The following ADAMTSL1 variants were observed in gnomAD, a reference collection of about 807,000 sequenced individuals.
The protein encoded by ADAMTSL1 is ADAMTS-like protein 1.
In ADAMTSL1, 126 loss-of-function variants were observed where a neutral mutation model predicts 201.8. That is an observed-to-expected ratio of 0.62 (90% CI 0.54 to 0.72). ADAMTSL1 has a LOEUF of 0.72. Ranked by LOEUF, ADAMTSL1 falls within the 30% of genes least tolerant of loss-of-function variation. The pLI is 0.00. For missense variants in ADAMTSL1, 2,679 were observed against 2,277.8 expected, an observed-to-expected ratio of 1.18 and a Z score of -3.59; for synonymous variants, 1,121 against 903.4, an observed-to-expected ratio of 1.24 and a Z score of -4.32.
At chr9:18,306,629 G>T (rs1283302838) in intron 2 of ADAMTSL1, among the ~76,000 whole-genome samples, 1 of 152,070 alleles carries the variant, frequency 6.6e-6, no homozygotes, top group African/African-American at 2.4e-5. Flanking sequence ...AGACCATGAA[G>T]ACAAGATTAG....
chr9:18,555,903 T>C (rs1226729627), intron 3 of ADAMTSL1, among the ~76,000 whole-genome samples: 2 of 151,974 alleles, frequency 1.3e-5, no homozygotes, highest in Non-Finnish European at 2.9e-5. Context: ...GTGAGGTATT[T>C]ATTGCATTGC....
In ADAMTSL1 at chr9:18,843,680, C is replaced by T. The variant is rs1171519023; in HGVS notation, c.4249+13703C>T. 1.4e-4 allele frequency among the ~76,000 whole-genome samples: 21 copies of T among 150,996 alleles called. 3 individuals are homozygous for T. The highest frequency in any genetic ancestry group is 3.2e-4 in the African/African-American group (13 of 40,306). ...ATCACTTTCAGGTACACCAATCAGA[C>T]GTAGATGTGGTCTTTTCACATAGTC... On this transcript the variant is annotated intron_variant, in intron 23 of 28. Transcript: ENST00000380548.
intron 2 of ADAMTSL1, among the ~76,000 whole-genome samples, chr9:18,224,968 C>T (rs1830391567): frequency 2.0e-5 from 3 of 152,076 alleles, no homozygotes; most frequent in Admixed American, 6.6e-5. Flanking sequence ...TCAGCATCTT[C>T]ATGCATAAAA....
At chr9:18,526,094 T>C (rs1291825953) in intron 2 of ADAMTSL1, among the ~76,000 whole-genome samples, 1 of 152,210 alleles carries the variant, frequency 6.6e-6, no homozygotes, top group Non-Finnish European at 1.5e-5. Flanking sequence ...TTTGTAAGTC[T>C]CTAAGGACTT....
intron 2 of ADAMTSL1, among the ~76,000 whole-genome samples, chr9:18,312,216 G>A (rs943352669): frequency 6.6e-6 from 1 of 152,156 alleles, no homozygotes; most frequent in Admixed American, 6.5e-5. Context: ...GTGGTTCCAT[G>A]GACTCTTGAC....
rs12379957 is a variant in ADAMTSL1, at chr9:18,842,712, G to A, written c.4249+12735G>A. Among the ~76,000 whole-genome samples, 333 of 152,176 alleles carry A rather than the reference G, an allele frequency of 2.2e-3. 3 individuals are homozygous for A. The highest frequency in any genetic ancestry group is 2.5e-3 in the Non-Finnish European group (172 of 68,002). ...ACTCAGGACTTGCTTTATGAATCTGGGTGCTCCCATATTGGGTGCATATAT... is the reference window on the plus strand; with the variant it reads ...ACTCAGGACTTGCTTTATGAATCTGAGTGCTCCCATATTGGGTGCATATAT... On this transcript the variant is annotated intron_variant, in intron 23 of 28. Transcript: ENST00000380548.
At chr9:18,204,320 G>T (rs773401562) in intron 2 of ADAMTSL1, among the ~76,000 whole-genome samples, 5 of 151,966 alleles carry the variant, frequency 3.3e-5, no homozygotes, top group Non-Finnish European at 5.9e-5. Context: ...GGTTATATAG[G>T]TGGCTCTTTC....
intron 2 of ADAMTSL1, among the ~76,000 whole-genome samples, chr9:18,208,423 C>A (rs1310336144): frequency 6.6e-6 from 1 of 152,066 alleles, no homozygotes; most frequent in Non-Finnish European, 1.5e-5. Context: ...GTGAGTTGCA[C>A]CTGCAGCCCA....
intron 1 of ADAMTSL1, among the ~76,000 whole-genome samples, chr9:17,972,393 T>C (rs1235884142): frequency 6.8e-6 from 1 of 146,258 alleles, no homozygotes; most frequent in East Asian, 2.1e-4. Flanking sequence ...AATTTCCACC[T>C]ATGAGTGAGA....
intron 2 of ADAMTSL1, among the ~76,000 whole-genome samples, chr9:18,380,279 G>T (rs1411991735): frequency 3.3e-5 from 5 of 152,096 alleles, no homozygotes; most frequent in Non-Finnish European, 7.3e-5. Context: ...AGAAGAAATT[G>T]GCTCAATGAG....
chr9:18,004,089 G>C (rs1339754623), intron 1 of ADAMTSL1, among the ~76,000 whole-genome samples: 1 of 151,866 alleles, frequency 6.6e-6, no homozygotes, highest in Non-Finnish European at 1.5e-5. Context: ...GGGTCCATAT[G>C]GACCACTTAA....
At chr9:18,602,285 A>G (rs1824711844) in intron 4 of ADAMTSL1, among the ~76,000 whole-genome samples, 1 of 152,244 alleles carries the variant, frequency 6.6e-6, no homozygotes. Flanking sequence ...CTTGGTTCAT[A>G]CTAAAATCTT....
chr9:18,673,818 A>G (rs777193455), intron 9 of ADAMTSL1, among the ~76,000 whole-genome samples: 7 of 152,218 alleles, frequency 4.6e-5, no homozygotes, highest in African/African-American at 9.6e-5. Flanking sequence ...TATAATTTCA[A>G]AGTCAACTTG....
intron 2 of ADAMTSL1, among the ~76,000 whole-genome samples, chr9:18,288,560 T>A (rs527899822): frequency 1.3e-5 from 2 of 152,198 alleles, no homozygotes; most frequent in South Asian, 4.1e-4. Flanking sequence ...CTAAGTTCCC[T>A]TCATTCAAAC....
chr9:18,646,326 C>T (rs894039633), intron 7 of ADAMTSL1, among the ~76,000 whole-genome samples: 4 of 152,160 alleles, frequency 2.6e-5, no homozygotes, highest in African/African-American at 9.7e-5. Context: ...ACAATCATGT[C>T]ATCTTCAAAC....
chr9:18,069,282 A>G (rs768852495), intron 1 of ADAMTSL1, among the ~76,000 whole-genome samples: 75 of 152,238 alleles, frequency 4.9e-4, no homozygotes, highest in Non-Finnish European at 7.9e-4. Context: ...AAGAAAATAT[A>G]CAACTTATTC....
intron 1 of ADAMTSL1, among the ~76,000 whole-genome samples, chr9:18,009,615 T>C (rs1473753122): frequency 1.3e-5 from 2 of 152,032 alleles, no homozygotes; most frequent in African/African-American, 2.4e-5. Context: ...AAAATTTATA[T>C]AATGAGAGAT....
chr9:18,904,798 T>C (rs376900413), intron 26 of ADAMTSL1, among the ~76,000 whole-genome samples: 3 of 141,980 alleles, frequency 2.1e-5, no homozygotes, highest in Admixed American at 1.4e-4. Context: ...AGTGTCAAAC[T>C]GGGCCCTTCA....
intron 2 of ADAMTSL1, among the ~76,000 whole-genome samples, chr9:18,396,137 C>T (rs1421614295): frequency 6.6e-6 from 1 of 152,182 alleles, no homozygotes; most frequent in African/African-American, 2.4e-5. Flanking sequence ...AACCTTAGAG[C>T]ACTCTGGTCC....
Sources: gnomAD v4.1 joint callset for allele counts (sites outside exome capture counted in the v4.1 genomes callset) on GRCh38, gnomAD v4.1.1 for gene constraint, MANE v1.5 for transcripts, NCBI Gene and HGNC (gene_info 2026-07-23, HGNC 2026-07-21) for gene names.